The following EYS variants were observed in gnomAD, a reference collection of about 807,000 sequenced individuals.
The protein encoded by EYS is EGF-like photoreceptor maintenance factor.
EYS carries 250 observed loss-of-function variants against 282.1 expected under a neutral mutation model. The observed-to-expected ratio is 0.89, with a 90% CI of 0.80 to 0.98. The LOEUF is 0.98. EYS is among the 50% of genes least tolerant of loss of function. The probability of loss-of-function intolerance (pLI) is 0.00; values close to 1 mark genes in which losing one functional copy is unlikely to be tolerated. For missense variants in EYS, 4,016 were observed against 3,709.0 expected, an observed-to-expected ratio of 1.08 and a Z score of -2.15; for synonymous variants, 1,355 against 1,282.9, an observed-to-expected ratio of 1.06 and a Z score of -1.20.
intron 35 of EYS, among the ~76,000 whole-genome samples, chr6:63,918,025 T>G (rs779417479): frequency 7.2e-5 from 11 of 152,242 alleles, no homozygotes; most frequent in Non-Finnish European, 1.5e-4. Flanking sequence ...ACATAAACAG[T>G]TATTCTCTGT....
intron 2 of EYS, among the ~76,000 whole-genome samples, chr6:65,624,745 G>A (rs975377476): frequency 3.3e-5 from 5 of 152,138 alleles, no homozygotes; most frequent in Admixed American, 2.0e-4. Flanking sequence ...CTTGAACACC[G>A]AACTGCAAGT....
In EYS at chr6:64,468,492, T is replaced by C. The variant is rs139447256; in HGVS notation, c.5645-29140A>G. On this transcript the variant is annotated intron_variant, in intron 26 of 42. Coordinates refer to ENST00000503581, the MANE Select transcript of EYS (RefSeq NM_001142800.2). ...TGACAACTCCAAAGTAACAAAATAA[T>C]TCTCTCCCTTTTTAAAGCTTTTATT... Among the ~76,000 whole-genome samples, 17 of 152,266 alleles carry C rather than the reference T, an allele frequency of 1.1e-4. No homozygotes were observed. The East Asian group carries it at 3.1e-3, about 28-fold the overall frequency.
At chr6:63,903,579 G>A (rs1301249053) in intron 35 of EYS, among the ~76,000 whole-genome samples, 1 of 152,132 alleles carries the variant, frequency 6.6e-6, no homozygotes, top group East Asian at 1.9e-4. Context: ...CCCCTGCCTT[G>A]TGAAAGCACT....
intron 28 of EYS, among the ~76,000 whole-genome samples, chr6:64,431,900 AT>A (rs1342494394): frequency 6.6e-6 from 1 of 152,130 alleles, no homozygotes; most frequent in Non-Finnish European, 1.5e-5. Context: ...ACTTGAGAAA[AT>A]ATCTGCCAGT....
chr6:65,702,517 G>A lies in EYS; in HGVS notation c.-448+4618C>T, dbSNP rs117393773. Among the ~76,000 whole-genome samples, 163 of 152,082 alleles carry A rather than the reference G, an allele frequency of 1.1e-3. 5 individuals carry two copies. The East Asian group carries it at 0.028, about 26-fold the overall frequency. ...GACCAGCCTAGCCAACACGGTGAAAGCTTGTCTCTACTAAAAATACAAAAA... is the reference window on the plus strand; with the variant it reads ...GACCAGCCTAGCCAACACGGTGAAAACTTGTCTCTACTAAAAATACAAAAA... On this transcript the variant is annotated intron_variant, in intron 1 of 42. Transcript: ENST00000503581.
In EYS at chr6:64,098,098, T is replaced by C. The variant is rs1037457969; in HGVS notation, c.6425-16096A>G. Among the ~76,000 whole-genome samples, 4 of 152,330 alleles carry C rather than the reference T, an allele frequency of 2.6e-5. No individual in the cohort carries two copies. In the East Asian group the frequency reaches 5.8e-4, roughly 22 times the overall value. The stretch of plus-strand genomic sequence containing the variant: ...TCTAGTAAACATTTTGTACAACACA[T>C]TGGAAAACTATTTGGCAGTATCCAG... On this transcript the variant is annotated intron_variant, in intron 31 of 42. Transcript: ENST00000503581.
chr6:64,258,747 C>T (rs1767486142), intron 30 of EYS, among the ~76,000 whole-genome samples: 1 of 151,890 alleles, frequency 6.6e-6, no homozygotes, highest in Non-Finnish European at 1.5e-5. Flanking sequence ...ACGTAAAGTT[C>T]ATTATCGTTC....
intron 24 of EYS, among the ~76,000 whole-genome samples, chr6:64,610,320 A>T: frequency 6.6e-6 from 1 of 151,866 alleles, no homozygotes; most frequent in East Asian, 1.9e-4. Flanking sequence ...GTGGGCATTC[A>T]TTATCTTTAA....
At chr6:64,945,704 T>C in intron 15 of EYS, 89 bp downstream of exon 15, 1 of 1,184,350 alleles carries the variant, frequency 8.4e-7, no homozygotes, top group Non-Finnish European at 1.2e-6. Flanking sequence ...ATTAAATGTA[T>C]CTAAAGTGAA....
chr6:64,315,940 C>T (rs565077791), intron 29 of EYS, among the ~76,000 whole-genome samples: 1 of 152,292 alleles, frequency 6.6e-6, no homozygotes, highest in African/African-American at 2.4e-5. Context: ...TGTAATCCAT[C>T]ACATAAACAG....
intron 14 of EYS, among the ~76,000 whole-genome samples, chr6:64,990,750 T>C (rs1771035985): frequency 6.6e-6 from 1 of 151,584 alleles, no homozygotes. Flanking sequence ...ACCTCTCTTC[T>C]CTGTAATGAA....
intron 12 of EYS, among the ~76,000 whole-genome samples, chr6:65,161,822 T>C (rs1764856848): frequency 6.6e-6 from 1 of 151,176 alleles, no homozygotes. Context: ...AGAGATCAAA[T>C]CTCAGTATCC....
intron 18 of EYS, among the ~76,000 whole-genome samples, chr6:64,899,453 T>A (rs1767579558): frequency 6.6e-6 from 1 of 152,154 alleles, no homozygotes; most frequent in Non-Finnish European, 1.5e-5. Flanking sequence ...CAGGATTGTA[T>A]ATTTAGAAAA....
intron 31 of EYS, among the ~76,000 whole-genome samples, chr6:64,154,466 G>T (rs931879814): frequency 2.9e-5 from 4 of 138,064 alleles, no homozygotes; most frequent in Non-Finnish European, 6.2e-5. Context: ...AAAAAAAAAT[G>T]CCTCACAGGG....
intron 29 of EYS, among the ~76,000 whole-genome samples, chr6:64,309,686 G>C (rs969559901): frequency 6.6e-6 from 1 of 152,038 alleles, no homozygotes; most frequent in African/African-American, 2.4e-5. Context: ...CAAAAGCTCA[G>C]CCAGGCACGG....
chr6:64,041,281 C>T (rs1770378641), intron 33 of EYS, among the ~76,000 whole-genome samples: 1 of 151,942 alleles, frequency 6.6e-6, no homozygotes, highest in South Asian at 2.1e-4. Flanking sequence ...AAACAATTCC[C>T]TTAAACGTAG....
intron 12 of EYS, among the ~76,000 whole-genome samples, chr6:65,138,761 C>T (rs1013991526): frequency 6.6e-6 from 1 of 151,978 alleles, no homozygotes; most frequent in Non-Finnish European, 1.5e-5. Flanking sequence ...AGACAGAAAA[C>T]GTTAAAATAA....
intron 30 of EYS, among the ~76,000 whole-genome samples, chr6:64,243,220 A>G (rs1351290971): frequency 1.3e-5 from 2 of 152,034 alleles, no homozygotes; most frequent in Non-Finnish European, 2.9e-5. Context: ...TCTGTGTTAC[A>G]TTTCATACAA....
chr6:64,411,517 C>T (rs1582719432), intron 28 of EYS, among the ~76,000 whole-genome samples: 1 of 152,032 alleles, frequency 6.6e-6, no homozygotes, highest in African/African-American at 2.4e-5. Flanking sequence ...CAATTAGGCT[C>T]ATACATTTAT....
Sources: allele counts gnomAD v4.1 joint callset (sites outside exome capture counted in the v4.1 genomes callset), GRCh38; gene constraint gnomAD v4.1.1; transcripts MANE v1.5; gene names NCBI Gene and HGNC (gene_info 2026-07-23, HGNC 2026-07-21).